Variants in ABCB7 observed in about 807,000 individuals in gnomAD.
The protein encoded by ABCB7 is ATP binding cassette subfamily B member 7.
A neutral mutation model predicts 54.4 loss-of-function variants in ABCB7; 7 were observed. The ratio of observed to expected loss-of-function variants is 0.13; its 90% CI spans 0.07 to 0.24. The LOEUF (loss-of-function observed/expected upper bound fraction) is 0.24. Among genes scored for constraint, ABCB7 ranks in the 10% least tolerant of loss-of-function variants. The pLI is 1.00. For synonymous variants in ABCB7, 218 were observed against 207.1 expected, an observed-to-expected ratio of 1.05 and a Z score of -0.45; for missense variants, 356 against 570.4, an observed-to-expected ratio of 0.62 and a Z score of 3.83.
chrX:75,136,551 CAA>C (rs1430833572), intron 1 of ABCB7, among the ~76,000 whole-genome samples: 1 of 110,657 alleles, frequency 9.0e-6, no homozygotes, highest in Non-Finnish European at 1.9e-5. Context: ...TAAGCAAAAG[CAA>C]AAACAGAAAC....
At chrX:75,097,746 A>G (rs183848694) in intron 4 of ABCB7, among the ~76,000 whole-genome samples, 1 of 111,336 alleles carries the variant, frequency 9.0e-6, no homozygotes, top group East Asian at 2.8e-4. Flanking sequence ...TTAAGCAAAC[A>G]CTTTTTACCA....
At chrX:75,113,423 CTTG>C (rs1461432920) in intron 2 of ABCB7, among the ~76,000 whole-genome samples, 1 of 111,785 alleles carries the variant, frequency 8.9e-6, no homozygotes, top group Admixed American at 9.5e-5. Context: ...GATTCTTTTT[CTTG>C]TTGTACTTGC....
intron 3 of ABCB7, among the ~76,000 whole-genome samples, 158 bp from the exon 4 acceptor site, chrX:75,099,219 A>G (rs1417489979): frequency 8.9e-6 from 1 of 112,155 alleles, no homozygotes; most frequent in Non-Finnish European, 1.9e-5. Context: ...AAATCAAAAT[A>G]TTTTAGAGAA....
chrX:75,094,884 G>A (rs188429023), intron 4 of ABCB7, among the ~76,000 whole-genome samples: 1 of 110,479 alleles, frequency 9.1e-6, no homozygotes, highest in South Asian at 3.9e-4. Context: ...TAGTAGAACC[G>A]CTAAAATACA....
At chrX:75,053,723 G>T in intron 15 of ABCB7, 138 bp from the exon 16 acceptor site, 1 of 985,362 alleles carries the variant, frequency 1.0e-6, no homozygotes, top group Non-Finnish European at 1.3e-6. Flanking sequence ...CTCATACACA[G>T]TATAAGTGAA....
intron 15 of ABCB7, among the ~76,000 whole-genome samples, chrX:75,057,763 CTT>C (rs373357748): frequency 1.0e-5 from 1 of 97,267 alleles, no homozygotes. Flanking sequence ...ATACAAATAT[CTT>C]TTTTTTTTTT....
rs781707338 is a variant in ABCB7, at chrX:75,113,997, C to A, written c.246+757G>T. On this transcript the variant is annotated intron_variant, in intron 2 of 15. Coordinates refer to ENST00000373394, the MANE Select transcript of ABCB7 (RefSeq NM_001271696.3). Reference sequence around the variant, plus strand: ...ATCAAGGGGTCTGGTGAATACCACACAAGAGAGTGAGGTCTTCAACAAAAC... The same window carrying A: ...ATCAAGGGGTCTGGTGAATACCACAAAAGAGAGTGAGGTCTTCAACAAAAC... Among the ~76,000 whole-genome samples the A allele has an allele frequency of 2.7e-5, 3 of 111,435 alleles. No homozygotes were observed. In the South Asian group the frequency reaches 1.1e-3, roughly 42 times the overall value.
At chrX:75,112,836 G>A in intron 3 of ABCB7, 50 bp downstream of exon 3, 7 of 985,863 alleles carry the variant, frequency 7.1e-6, no homozygotes, top group Non-Finnish European at 1.0e-5. Flanking sequence ...TATATCTTCT[G>A]TGCAAGGACA....
intron 1 of ABCB7, among the ~76,000 whole-genome samples, chrX:75,119,323 G>C (rs755625122): frequency 8.9e-6 from 1 of 112,140 alleles, no homozygotes; most frequent in Non-Finnish European, 1.9e-5. Flanking sequence ...GTCTGAGCAA[G>C]TTGTGGAAGG....
chrX:75,078,440 C>A (rs906661869), intron 4 of ABCB7, among the ~76,000 whole-genome samples: 1 of 111,173 alleles, frequency 9.0e-6, no homozygotes, highest in Non-Finnish European at 1.9e-5. Flanking sequence ...TTGAGGGGTA[C>A]AAGTGCAGTC....
chrX:75,081,134 T>C (rs1235089569), intron 4 of ABCB7, among the ~76,000 whole-genome samples: 7 of 111,820 alleles, frequency 6.3e-5, no homozygotes, highest in Non-Finnish European at 1.3e-4. Context: ...AGTCTAATAA[T>C]ACTCTACATG....
intron 4 of ABCB7, among the ~76,000 whole-genome samples, chrX:75,079,093 T>G (rs192445073): frequency 1.8e-5 from 2 of 111,895 alleles, no homozygotes; most frequent in African/African-American, 6.5e-5. Flanking sequence ...CAATTTTACT[T>G]CCTTGAAAAT....
chrX:75,094,434 CG>C (rs1460778118), intron 4 of ABCB7, among the ~76,000 whole-genome samples: 1 of 111,742 alleles, frequency 8.9e-6, no homozygotes, highest in East Asian at 2.8e-4. Context: ...TTAGGTTGGC[CG>C]GGAGTGGTGG....
chrX:75,142,018 T>A (rs982745033), intron 1 of ABCB7, among the ~76,000 whole-genome samples: 6 of 111,843 alleles, frequency 5.4e-5, no homozygotes, highest in African/African-American at 1.6e-4. Flanking sequence ...TCCATCCTGG[T>A]ATAAATAAAT....
chrX:75,106,159 G>C (rs1017622676), intron 3 of ABCB7, among the ~76,000 whole-genome samples: 1 of 111,180 alleles, frequency 9.0e-6, no homozygotes, highest in Non-Finnish European at 1.9e-5. Context: ...ATAATTAACA[G>C]ATTAAATAGA....
At chrX:75,100,211 T>C in intron 3 of ABCB7, among the ~76,000 whole-genome samples, 1 of 110,980 alleles carries the variant, frequency 9.0e-6, no homozygotes. Context: ...CGTAAACCAC[T>C]GCAACAATCT....
intron 3 of ABCB7, among the ~76,000 whole-genome samples, chrX:75,099,552 T>C (rs2081621409): frequency 2.7e-5 from 3 of 111,532 alleles, no homozygotes; most frequent in Non-Finnish European, 3.8e-5. Flanking sequence ...GTATTGACTA[T>C]ATCAAACAAA....
intron 4 of ABCB7, among the ~76,000 whole-genome samples, chrX:75,078,109 T>A (rs945936363): frequency 3.6e-5 from 4 of 109,933 alleles, no homozygotes; most frequent in African/African-American, 1.3e-4. Flanking sequence ...AGACAGGGTT[T>A]CACCATGTTG....
chrX:75,154,409 T>C lies in ABCB7; in HGVS notation c.168+1696A>G, dbSNP rs913443711. 2.7e-5 allele frequency among the ~76,000 whole-genome samples: 3 copies of C among 112,392 alleles called. No homozygotes were observed. The Admixed American group carries it at 2.8e-4, about 11-fold the overall frequency. ...AAGATAACATTTACAAATTTTATCT[T>C]AACTTCATCTGCCTTATTGGAGAAC... On this transcript the variant is annotated intron_variant, in intron 1 of 15. Transcript: ENST00000373394.
Sources: gnomAD v4.1 joint callset for allele counts (sites outside exome capture counted in the v4.1 genomes callset) on GRCh38, gnomAD v4.1.1 for gene constraint, MANE v1.5 for transcripts, NCBI Gene and HGNC (gene_info 2026-07-23, HGNC 2026-07-21) for gene names.